Variants in UACA observed in about 807,000 individuals in gnomAD.
UACA encodes the protein nuclear membrane binding protein.
UACA carries 112 observed loss-of-function variants against 160.5 expected under a neutral mutation model. The observed-to-expected ratio is 0.70, with a 90% CI of 0.60 to 0.82. The LOEUF is 0.82. UACA is among the 40% of genes least tolerant of loss of function. The probability of loss-of-function intolerance (pLI) is 0.00; values close to 1 mark genes in which losing one functional copy is unlikely to be tolerated. For synonymous variants in UACA, 557 were observed against 568.4 expected, an observed-to-expected ratio of 0.98 and a Z score of 0.29; for missense variants, 1,574 against 1,614.6, an observed-to-expected ratio of 0.97 and a Z score of 0.43.
chr15:70,679,705 C>T (rs1259696191), intron 9 of UACA, 29 bp from the exon 10 acceptor site: 12 of 1,466,270 alleles, frequency 8.2e-6, no homozygotes, highest in Non-Finnish European at 1.1e-5. Flanking sequence ...AAACACGGGT[C>T]AGCAAGTGTA....
At chr15:70,727,005 T>C (rs1719485011) in intron 1 of UACA, among the ~76,000 whole-genome samples, 1 of 152,200 alleles carries the variant, frequency 6.6e-6, no homozygotes, top group Non-Finnish European at 1.5e-5. Context: ...GCTCTTCCAC[T>C]CTCACTATCA....
chr15:70,680,047 A>G (rs1174115315), intron 9 of UACA: 1 of 152,884 alleles, frequency 6.5e-6, no homozygotes, highest in Admixed American at 6.6e-5. Context: ...AAAAAAAAAA[A>G]AAGGAAGAGG....
intron 1 of UACA, among the ~76,000 whole-genome samples, chr15:70,711,497 T>TAA (rs34582821): frequency 7.1e-6 from 1 of 141,756 alleles, no homozygotes; most frequent in Non-Finnish European, 1.5e-5. Flanking sequence ...CCATCTCTAC[T>TAA]AAAAAAAAAA....
chr15:70,763,538 C>T lies in UACA; in HGVS notation c.-131G>A, dbSNP rs1223238458. On this transcript the variant is annotated 5_prime_UTR_variant, in exon 1 of 19. Transcript: ENST00000322954. ...GCCCCACCTGCCTGCCACCTGCGGG[C>T]CCCGGGCAGCAGACGTCGACAGGCC... is the stretch of plus-strand genomic sequence containing the variant. 1.6e-6 allele frequency: 2 copies of T among 1,245,372 alleles called. No homozygotes were observed. Among genetic ancestry groups the T allele is most frequent in the East Asian group, 3.2e-5 (1 of 31,620 alleles). The allele number at this position is 1,245,372 out of a possible 1,614,324, so 77.1% of individuals were successfully genotyped here.
chr15:70,743,930 T>G (rs16954789), intron 1 of UACA, among the ~76,000 whole-genome samples: 28,079 of 151,990 alleles, frequency 0.18, 4,042 homozygotes, highest in African/African-American at 0.4. Flanking sequence ...AAACAGACTG[T>G]TCCACCCAAG....
chr15:70,672,991 G>A, intron 13 of UACA, among the ~76,000 whole-genome samples: 1 of 152,192 alleles, frequency 6.6e-6, no homozygotes, highest in African/African-American at 2.4e-5. Flanking sequence ...AGCTAGTAGG[G>A]AGGCTGAGCC....
intron 2 of UACA, among the ~76,000 whole-genome samples, chr15:70,695,500 T>C (rs1898097762): frequency 6.6e-6 from 1 of 152,258 alleles, no homozygotes; most frequent in Non-Finnish European, 1.5e-5. Flanking sequence ...TTATTTAGTT[T>C]AGCAGAATGC....
chr15:70,714,056 A>T (rs1898758469), intron 1 of UACA, among the ~76,000 whole-genome samples: 2 of 152,156 alleles, frequency 1.3e-5, no homozygotes, highest in African/African-American at 2.4e-5. Context: ...CACCTAATTA[A>T]AAAAGTACAC....
intron 1 of UACA, chr15:70,702,009 C>T (rs1334090860): frequency 6.4e-7 from 1 of 1,567,478 alleles, no homozygotes. Flanking sequence ...CAGACAAACT[C>T]CTGACAAGTG....
chr15:70,720,604 ACGTAGAAATC>A (rs1395887336), intron 1 of UACA, among the ~76,000 whole-genome samples: 1 of 152,248 alleles, frequency 6.6e-6, no homozygotes, highest in Admixed American at 6.5e-5. Flanking sequence ...TAGATAAAAG[ACGTAGAAATC>A]CTAAAGAGGT....
At chr15:70,693,500 G>A (rs1049572985) in intron 3 of UACA, among the ~76,000 whole-genome samples, 2 of 152,058 alleles carry the variant, frequency 1.3e-5, no homozygotes, top group Admixed American at 1.3e-4. Flanking sequence ...TATAGCAATT[G>A]AGAAAAGACC....
chr15:70,770,832 T>G, the UACA span, among the ~76,000 whole-genome samples: 2 of 152,230 alleles, frequency 1.3e-5, no homozygotes, highest in Non-Finnish European at 2.9e-5. Flanking sequence ...CCATGAACTT[T>G]TTGGCTCATA....
chr15:70,773,034 A>C, the UACA span, among the ~76,000 whole-genome samples: 583 of 151,720 alleles, frequency 3.8e-3, 5 homozygotes, highest in African/African-American at 0.014. Flanking sequence ...CGACAGAGCA[A>C]GACTTCATCT....
At chr15:70,775,628 C>G in the UACA span, among the ~76,000 whole-genome samples, 3 of 152,156 alleles carry the variant, frequency 2.0e-5, no homozygotes, top group Admixed American at 1.3e-4. Context: ...TGTTTTCTCT[C>G]TTTTTTTCCA....
chr15:70,688,116 A>AT (rs1897795398), intron 5 of UACA, among the ~76,000 whole-genome samples: 2 of 152,170 alleles, frequency 1.3e-5, no homozygotes, highest in Non-Finnish European at 2.9e-5. Context: ...TAAATTTTGT[A>AT]CTTACAGTAT....
chr15:70,763,279 C>T, intron 1 of UACA, 51 bp downstream of exon 1: 1 of 1,311,440 alleles, frequency 7.6e-7, no homozygotes. Flanking sequence ...CAAAGGAGGG[C>T]TGCGCTGCTC....
chr15:70,699,717 T>A, intron 1 of UACA, 57 bp from the exon 2 acceptor site: 1 of 1,575,024 alleles, frequency 6.3e-7, no homozygotes, highest in South Asian at 1.2e-5. Flanking sequence ...AAGATTTTTC[T>A]AAAGAAAGAA....
intron 1 of UACA, among the ~76,000 whole-genome samples, chr15:70,728,024 G>C (rs1033678094): frequency 2.0e-5 from 3 of 152,058 alleles, no homozygotes; most frequent in Non-Finnish European, 4.4e-5. Context: ...TACAAAAACA[G>C]ACACACAGAC....
rs1384178040 is a variant in UACA, at chr15:70,671,877, T to C, written c.1168+88A>G. 7 of 1,158,880 alleles carry C rather than the reference T, an allele frequency of 6.0e-6. No individual in the cohort carries two copies. In the East Asian group the frequency reaches 1.8e-4, roughly 29 times the overall value. 71.8% of individuals were successfully genotyped at this position (1,158,880 alleles called of 1,614,324 possible). A position where few individuals can be genotyped will look rare whatever the true frequency, so the allele number is the denominator to read the frequency against. ...GCAGCAGGAATATCTTGTACAGTTA[T>C]TCCTGTATAGTTAAACAAGTAAGAA... On this transcript the variant is annotated intron_variant, in intron 14 of 18. Transcript: ENST00000322954.
Sources: gnomAD v4.1 joint callset for allele counts (sites outside exome capture counted in the v4.1 genomes callset) on GRCh38, gnomAD v4.1.1 for gene constraint, MANE v1.5 for transcripts, NCBI Gene and HGNC (gene_info 2026-07-23, HGNC 2026-07-21) for gene names.